BST1: variants seen among roughly 807,000 people sequenced by gnomAD.
BST1 encodes the protein ADP-ribosyl cyclase/cyclic ADP-ribose hydrolase 2.
Under a neutral mutation model 40.6 loss-of-function variants are expected in BST1, and 49 were observed. The ratio of observed to expected loss-of-function variants is 1.21; its 90% confidence interval spans 0.96 to 1.53. The LOEUF (loss-of-function observed/expected upper bound fraction) is 1.53. Ranked by LOEUF, BST1 falls within the 40% of genes most tolerant of loss-of-function variation. The probability of loss-of-function intolerance (pLI) is 0.00; values close to 1 mark genes in which losing one functional copy is unlikely to be tolerated. For synonymous variants in BST1, 157 were observed against 159.3 expected (o/e 0.99, Z 0.11); for missense variants, 423 against 395.9 (o/e 1.07, Z -0.58).
chr4:15,719,177 G>A (rs1005044648), intron 7 of BST1, among the ~76,000 whole-genome samples, 184 bp downstream of exon 7: 2 of 152,124 alleles, frequency 1.3e-5, no homozygotes, highest in African/African-American at 4.8e-5. Context: ...ACCCACTGCT[G>A]TCCAGAGTCC....
Position 15,722,830 on chromosome 4 carries a change from GA to G in BST1, c.792-42del, listed in dbSNP as rs773155895. The G allele has an allele frequency of 1.1e-4, 168 of 1,561,474 alleles. 1 individual carries two copies. Among genetic ancestry groups the G allele is most frequent in the Non-Finnish European group, 1.5e-4 (165 of 1,134,098 alleles). ...GGCAAGCCATAAATGGTTGATGGAT[GA>G]AAGTTATTTAAATAATCCCTTAAAT... is the stretch of plus-strand genomic sequence containing the variant. On this transcript the variant is annotated intron_variant, in intron 7 of 8. Coordinates refer to ENST00000265016, the MANE Select transcript of BST1 (RefSeq NM_004334.3).
At position 15,710,011 on chromosome 4, in the gene BST1, C is replaced by T. The variant is rs559531740; in HGVS notation, c.452-1796C>T. On this transcript the variant is annotated intron_variant, in intron 3 of 8. Coordinates refer to ENST00000265016, the MANE Select transcript of BST1 (RefSeq NM_004334.3). ...TTTTTGAGGCAGCGTCTCACTCTGC[C>T]ACCCGGGCTGTAATGCAGTGGTGTG... Among the ~76,000 whole-genome samples the T allele has an allele frequency of 6.6e-5, 10 of 151,926 alleles. No homozygotes were observed. In the South Asian group the frequency reaches 1.7e-3, roughly 25 times the overall value.
the BST1 span, among the ~76,000 whole-genome samples, chr4:15,749,399 T>A: frequency 6.6e-6 from 1 of 152,186 alleles, no homozygotes; most frequent in East Asian, 1.9e-4. Flanking sequence ...GTTGTTGTTG[T>A]CGTTGTTGTT....
the BST1 span, among the ~76,000 whole-genome samples, chr4:15,765,769 T>C: frequency 5.9e-5 from 9 of 152,098 alleles, no homozygotes; most frequent in African/African-American, 1.7e-4. Flanking sequence ...AGTGAGACCT[T>C]CCTTGGTCCT....
the BST1 span, among the ~76,000 whole-genome samples, chr4:15,766,787 TAAA>T: frequency 4.4e-3 from 300 of 68,430 alleles, 1 homozygote; most frequent in Non-Finnish European, 6.6e-3. Context: ...AAGACCTCCC[TAAA>T]AAAAAAAAAA....
At chr4:15,771,616 C>T in the BST1 span, among the ~76,000 whole-genome samples, 10 of 152,244 alleles carry the variant, frequency 6.6e-5, 1 homozygote, top group Non-Finnish European at 2.9e-5. Flanking sequence ...AAACTTGAAA[C>T]TGTAACTGTG....
chr4:15,737,938 A>G, exon 7 of BST1: 1 of 545,036 alleles, frequency 1.8e-6, no homozygotes, highest in Non-Finnish European at 3.1e-6. Flanking sequence ...AGCTCCGTCC[A>G]CATGAATGCT....
chr4:15,731,122 A>G, intron 8 of BST1: 1 of 418,922 alleles, frequency 2.4e-6, no homozygotes. Flanking sequence ...CACGTGGCCA[A>G]CAGCCACAGC....
In BST1 at chr4:15,707,604, G is replaced by C. The variant is rs766896495; in HGVS notation, c.409G>C (p.Val137Leu). The change falls in exon 3 of 9, where the codon GTT becomes CTT. Residue 137 changes from valine (V) to leucine (L), a missense_variant. Transcript: ENST00000265016. ...MPLSDVLYGRVADFLSWCRQK... is the reference protein window; with the variant it reads ...MPLSDVLYGRLADFLSWCRQK... Reference sequence around the variant, plus strand: ...CCTGAGCGATGTTCTGTATGGCAGGGTTGCAGATTTCTTGAGCTGGTGTCG... The same window carrying C: ...CCTGAGCGATGTTCTGTATGGCAGGCTTGCAGATTTCTTGAGCTGGTGTCG... The C allele has an allele frequency of 6.2e-7, 1 of 1,613,966 alleles. No individual in the cohort carries two copies. The highest frequency in any genetic ancestry group is 8.5e-7 in the Non-Finnish European group (1 of 1,179,998).
At chr4:15,771,121 A>G in the BST1 span, among the ~76,000 whole-genome samples, 1 of 152,188 alleles carries the variant, frequency 6.6e-6, no homozygotes, top group Non-Finnish European at 1.5e-5. Context: ...CCATTTTTCA[A>G]GCCTCAGTGC....
At chr4:15,765,702 T>G in the BST1 span, among the ~76,000 whole-genome samples, 1 of 152,018 alleles carries the variant, frequency 6.6e-6, no homozygotes, top group African/African-American at 2.4e-5. Flanking sequence ...TCTGGAGCCC[T>G]GTTCCCCCAG....
intron 3 of BST1, among the ~76,000 whole-genome samples, chr4:15,709,551 G>A (rs1720071995): frequency 1.3e-5 from 2 of 152,150 alleles, no homozygotes; most frequent in Admixed American, 6.5e-5. Flanking sequence ...GGAGAAGGAG[G>A]GGAGGAATGT....
downstream of BST1, chr4:15,743,301 C>T: frequency 3.1e-6 from 1 of 323,924 alleles, no homozygotes; most frequent in Non-Finnish European, 6.0e-6. Context: ...ACCGACCAAA[C>T]AGCTAAACAG....
downstream of BST1, chr4:15,743,145 C>T (rs1046768629): frequency 6.3e-6 from 1 of 157,832 alleles, no homozygotes; most frequent in Non-Finnish European, 1.4e-5. Context: ...CCACAAATTA[C>T]AATGTCAGAG....
chr4:15,704,879 G>C (rs934719818), intron 1 of BST1: 2 of 747,600 alleles, frequency 2.7e-6, no homozygotes, highest in Non-Finnish European at 5.0e-6. Flanking sequence ...TGTTTGTGAT[G>C]TCTTTCTTGT....
chr4:15,769,261 G>A, the BST1 span, among the ~76,000 whole-genome samples: 1 of 152,202 alleles, frequency 6.6e-6, no homozygotes, highest in Non-Finnish European at 1.5e-5. Context: ...TTGAACTGTG[G>A]GAGAAGGAGC....
rs1292349107 is a variant in BST1 at position 15,731,550 on chromosome 4, G to A, written c.852-190G>A. On this transcript the variant is annotated intron_variant, in intron 8 of 8. Transcript: ENST00000265016. ...GCAACTCCACCATCTCCAGAAACTT[G>A]GGGTGCTTGCGCTGGTTTCGGTGCA... 2.9e-6 allele frequency: 3 copies of A among 1,019,394 alleles called. 1 individual carries two copies. Among genetic ancestry groups the A allele is most frequent in the South Asian group, 2.7e-5 (2 of 74,886 alleles). The allele number at this position is 1,019,394 out of a possible 1,614,324, so 63.1% of individuals were successfully genotyped here.
At chr4:15,739,760 C>T (rs1457056638), downstream of BST1, among the ~76,000 whole-genome samples, 1 of 151,838 alleles carries the variant, frequency 6.6e-6, no homozygotes, top group Non-Finnish European at 1.5e-5. Flanking sequence ...ACATTAAACT[C>T]GATTAAATTT....
intron 8 of BST1, chr4:15,723,639 A>T (rs1225360630): frequency 1.0e-5 from 10 of 979,364 alleles, no homozygotes; most frequent in African/African-American, 5.3e-5. Flanking sequence ...AACAATGCTG[A>T]AATATAATCC....
Sources: gnomAD v4.1 joint callset for allele counts (sites outside exome capture counted in the v4.1 genomes callset) on GRCh38, gnomAD v4.1.1 for gene constraint, MANE v1.5 for transcripts, NCBI Gene and HGNC (gene_info 2026-07-23, HGNC 2026-07-21) for gene names.